Variants in CXorf58 observed in about 807,000 individuals in gnomAD.
CXorf58 encodes chromosome X open reading frame 58, also known as uncharacterized protein CXorf58.
Under a neutral mutation model 26.0 loss-of-function variants are expected in CXorf58, and 24 were observed. The observed-to-expected ratio is 0.92, with a 90% CI of 0.67 to 1.30. CXorf58 has a LOEUF of 1.30. CXorf58 is among the 50% of genes most tolerant of loss of function. The pLI, the probability that CXorf58 is intolerant of heterozygous loss-of-function variation, is 0.00. For synonymous variants in CXorf58, 87 were observed against 86.1 expected, an observed-to-expected ratio of 1.01 and a Z score of -0.06; for missense variants, 236 against 263.9, an observed-to-expected ratio of 0.89 and a Z score of 0.73.
chrX:23,909,116 C>G (rs1199950242), intron 1 of CXorf58, among the ~76,000 whole-genome samples: 2 of 111,694 alleles, frequency 1.8e-5, no homozygotes, highest in East Asian at 5.6e-4. Context: ...AAGGCATCCC[C>G]AAGGAGAAAT....
chrX:23,915,642 A>G, intron 3 of CXorf58, 58 bp from the exon 4 acceptor site: 1 of 704,446 alleles, frequency 1.4e-6, no homozygotes, highest in Non-Finnish European at 2.2e-6. Flanking sequence ...GTTATAGTCC[A>G]TAAATTGTGT....
intron 3 of CXorf58, among the ~76,000 whole-genome samples, chrX:23,912,087 G>T (rs1439478135): frequency 1.8e-5 from 2 of 109,899 alleles, no homozygotes; most frequent in Non-Finnish European, 3.8e-5. Flanking sequence ...AAGTAGCTGG[G>T]ACTACAGGCA....
chrX:23,929,355 G>A (rs1233915177), intron 6 of CXorf58, among the ~76,000 whole-genome samples: 4 of 95,430 alleles, frequency 4.2e-5, no homozygotes, highest in East Asian at 3.1e-4. Context: ...GCAGTGAGCC[G>A]AAATTGCGCC....
intron 6 of CXorf58, among the ~76,000 whole-genome samples, chrX:23,932,917 C>G (rs750944596): frequency 9.0e-6 from 1 of 111,431 alleles, no homozygotes; most frequent in South Asian, 3.8e-4. Flanking sequence ...ATCGCTTGAA[C>G]CCAGGAGGTG....
intron 6 of CXorf58, among the ~76,000 whole-genome samples, chrX:23,928,038 A>T (rs1928059796): frequency 8.9e-6 from 1 of 111,842 alleles, no homozygotes; most frequent in South Asian, 3.7e-4. Context: ...ATATAAAGGA[A>T]ATCATGTGAT....
chrX:23,917,318 G>C (rs1365770398), intron 5 of CXorf58, among the ~76,000 whole-genome samples: 1 of 99,852 alleles, frequency 1.0e-5, no homozygotes, highest in African/African-American at 3.7e-5. Flanking sequence ...CTGGGCAACA[G>C]AGTGAGATTC....
intron 6 of CXorf58, among the ~76,000 whole-genome samples, chrX:23,927,624 T>C (rs1928049008): frequency 9.0e-6 from 1 of 111,064 alleles, no homozygotes; most frequent in Non-Finnish European, 1.9e-5. Flanking sequence ...GGGGTACATG[T>C]AGAGGTTTGT....
At chrX:23,938,836 A>G (rs772092487) in intron 8 of CXorf58, 136 bp downstream of exon 8, 22 of 437,509 alleles carry the variant, frequency 5.0e-5, no homozygotes, top group African/African-American at 4.3e-4. Flanking sequence ...TATCATAGGT[A>G]GTATAAAGTG....
At chrX:23,924,384 C>T (rs1927949347) in intron 5 of CXorf58, among the ~76,000 whole-genome samples, 1 of 109,475 alleles carries the variant, frequency 9.1e-6, no homozygotes, top group Admixed American at 9.9e-5. Flanking sequence ...TGCAGTGGCA[C>T]AATCTCGGCT....
At chrX:23,916,078 A>G (rs1011724157) in intron 4 of CXorf58, 139 bp from the exon 5 acceptor site, 11 of 448,818 alleles carry the variant, frequency 2.5e-5, no homozygotes, top group Non-Finnish European at 3.5e-5. Flanking sequence ...GATCCATTTC[A>G]TTACCAATTC....
intron 5 of CXorf58, among the ~76,000 whole-genome samples, chrX:23,925,817 CTTGCTGTGT>C (rs1297095501): frequency 2.6e-4 from 20 of 76,455 alleles, no homozygotes; most frequent in Admixed American, 9.1e-4. Flanking sequence ...GAGACAGAGT[CTTGCTGTGT>C]CCCCTAGGCT....
chrX:23,916,347 CATTTTATG>C lies in CXorf58; in HGVS notation c.423+20_423+27del, dbSNP rs1164429742. The stretch of plus-strand genomic sequence containing the variant: ...AAGTAAGGTGACGTTTCATGATGTA[CATTTTATG>C]TTAACTTAGCTTTTTAACATCTACA... On this transcript the variant is annotated intron_variant, in intron 5 of 8. Coordinates refer to ENST00000379211, the MANE Select transcript of CXorf58 (RefSeq NM_152761.3). 1.4e-5 allele frequency: 14 copies of C among 978,933 alleles called. No individual in the cohort carries two copies. Among genetic ancestry groups the C allele is most frequent in the Non-Finnish European group, 2.0e-5 (14 of 689,876 alleles). The allele number at this position is 978,933 out of a possible 1,213,427, so 80.7% of individuals were successfully genotyped here.
At chrX:23,918,421 C>CA (rs1480450394) in intron 5 of CXorf58, among the ~76,000 whole-genome samples, 2 of 111,838 alleles carry the variant, frequency 1.8e-5, no homozygotes, top group East Asian at 5.5e-4. Context: ...CTTCAACAAA[C>CA]AAAAAAATAA....
Position 23,936,376 on chromosome X carries a change from AAATT to A in CXorf58, c.785+953_785+956del, listed in dbSNP as rs747131429. 2.7e-5 allele frequency among the ~76,000 whole-genome samples: 3 copies of A among 112,173 alleles called. No homozygotes were observed. In the South Asian group the frequency reaches 1.1e-3, roughly 41 times the overall value. On this transcript the variant is annotated intron_variant, in intron 7 of 8. Transcript: ENST00000379211. ...CCCTTGCCTGAGATAAATTGCATATAAATTAGAGTGACGTCATTCCCCTTTTTAC... is the reference window on the plus strand; with the variant it reads ...CCCTTGCCTGAGATAAATTGCATATAAGAGTGACGTCATTCCCCTTTTTAC...
intron 6 of CXorf58, among the ~76,000 whole-genome samples, chrX:23,930,763 T>C (rs1469707821): frequency 1.8e-5 from 2 of 111,324 alleles, no homozygotes; most frequent in Non-Finnish European, 3.8e-5. Context: ...ATAAAGTATT[T>C]TTTTTCTTTT....
At chrX:23,928,461 G>A (rs1928074595) in intron 6 of CXorf58, among the ~76,000 whole-genome samples, 1 of 111,490 alleles carries the variant, frequency 9.0e-6, no homozygotes, top group Non-Finnish European at 1.9e-5. Context: ...GGGATTACAA[G>A]CGTGAGCCAC....
At chrX:23,909,547 C>T (rs1304871926) in intron 1 of CXorf58, among the ~76,000 whole-genome samples, 1 of 111,380 alleles carries the variant, frequency 9.0e-6, no homozygotes, top group Admixed American at 9.5e-5. Flanking sequence ...ACCTTGTAAT[C>T]CTATGTATTT....
intron 6 of CXorf58, among the ~76,000 whole-genome samples, chrX:23,933,514 A>G: frequency 8.9e-6 from 1 of 111,854 alleles, no homozygotes; most frequent in Non-Finnish European, 1.9e-5. Context: ...CATACTAGAG[A>G]TGAACTCATA....
intron 1 of CXorf58, among the ~76,000 whole-genome samples, chrX:23,908,831 T>G (rs1380195045): frequency 8.9e-6 from 1 of 112,152 alleles, no homozygotes; most frequent in East Asian, 2.8e-4. Context: ...TTGAAGAAAT[T>G]GGGTTTCTCA....
Sources: allele counts gnomAD v4.1 joint callset (sites outside exome capture counted in the v4.1 genomes callset), GRCh38; gene constraint gnomAD v4.1.1; transcripts MANE v1.5; gene names NCBI Gene and HGNC (gene_info 2026-07-23, HGNC 2026-07-21).